C8orf34: variants seen among roughly 807,000 people sequenced by gnomAD.
The protein encoded by C8orf34 is uncharacterized protein C8orf34.
In C8orf34, 65 loss-of-function variants were observed where a neutral mutation model predicts 68.3. The ratio of observed to expected loss-of-function variants is 0.95; its 90% CI spans 0.78 to 1.17. C8orf34 has a LOEUF of 1.17. C8orf34 is among the 50% of genes most tolerant of loss of function. The probability of loss-of-function intolerance (pLI) is 0.00; values close to 1 mark genes in which losing one functional copy is unlikely to be tolerated. For synonymous variants in C8orf34, 244 were observed against 241.2 expected (o/e 1.01, Z -0.11); for missense variants, 664 against 655.4 (o/e 1.01, Z -0.14).
chr8:68,735,157 T>C (rs539817109), intron 10 of C8orf34, among the ~76,000 whole-genome samples: 67 of 152,314 alleles, frequency 4.4e-4, no homozygotes, highest in African/African-American at 1.4e-3. Flanking sequence ...GTGGCCCATC[T>C]TGGGGCACTA....
intron 8 of C8orf34, among the ~76,000 whole-genome samples, chr8:68,707,137 T>C (rs1471360759): frequency 6.6e-6 from 1 of 152,198 alleles, no homozygotes; most frequent in East Asian, 1.9e-4. Flanking sequence ...CTTGTTTGCA[T>C]AGCACCCATT....
intron 12 of C8orf34, among the ~76,000 whole-genome samples, chr8:68,810,801 C>G (rs1824627794): frequency 1.3e-5 from 2 of 152,194 alleles, no homozygotes; most frequent in Admixed American, 1.3e-4. Flanking sequence ...CTCCTCTCCA[C>G]AGACAGGTGG....
chr8:68,432,098 G>A (rs1490667230), intron 1 of C8orf34, among the ~76,000 whole-genome samples: 2 of 152,038 alleles, frequency 1.3e-5, no homozygotes, highest in African/African-American at 4.8e-5. Flanking sequence ...GGCTATGACT[G>A]TGTGCATTGG....
chr8:68,740,062 T>C (rs1259954705), intron 10 of C8orf34, among the ~76,000 whole-genome samples: 1 of 152,188 alleles, frequency 6.6e-6, no homozygotes, highest in Non-Finnish European at 1.5e-5. Flanking sequence ...TGCGGAAGAT[T>C]GAAACTGGAT....
intron 1 of C8orf34, among the ~76,000 whole-genome samples, chr8:68,360,020 C>G (rs1205963165): frequency 1.3e-5 from 2 of 152,132 alleles, no homozygotes; most frequent in Non-Finnish European, 2.9e-5. Context: ...ACCCAAAACT[C>G]AAAATGACAA....
In C8orf34 at chr8:68,484,391, A is replaced by T. The variant is rs543467650; in HGVS notation, c.737-3632A>T. Among the ~76,000 whole-genome samples the T allele has an allele frequency of 3.3e-5, 5 of 152,308 alleles. No individual in the cohort carries two copies. The East Asian group carries it at 5.8e-4, about 18-fold the overall frequency. On this transcript the variant is annotated intron_variant, in intron 4 of 13. Coordinates refer to ENST00000518698, the MANE Select transcript of C8orf34 (RefSeq NM_052958.4). The stretch of plus-strand genomic sequence containing the variant: ...CACAAATCCAAACTATATCACCCTG[A>T]TAGGATATTTCCTTTAAGCTCTAGT...
At chr8:68,493,498 A>G (rs559822826) in intron 5 of C8orf34, among the ~76,000 whole-genome samples, 2 of 152,210 alleles carry the variant, frequency 1.3e-5, no homozygotes, top group Non-Finnish European at 2.9e-5. Context: ...GTTTGTGAGG[A>G]TATGGAGAAA....
At chr8:68,737,657 G>A (rs1373765318) in intron 10 of C8orf34, among the ~76,000 whole-genome samples, 1 of 150,798 alleles carries the variant, frequency 6.6e-6, no homozygotes, top group African/African-American at 2.4e-5. Context: ...AATCAACAAA[G>A]ATTAAAAAAA....
At chr8:68,409,707 A>G (rs1809361668) in intron 1 of C8orf34, among the ~76,000 whole-genome samples, 1 of 152,188 alleles carries the variant, frequency 6.6e-6, no homozygotes, top group Non-Finnish European at 1.5e-5. Flanking sequence ...AGTCTACAGC[A>G]GTGCACAGTC....
intron 1 of C8orf34, among the ~76,000 whole-genome samples, chr8:68,424,125 C>T (rs1243005751): frequency 6.6e-6 from 1 of 152,108 alleles, no homozygotes; most frequent in Non-Finnish European, 1.5e-5. Flanking sequence ...TCCCCCCTGC[C>T]CATGTTCACC....
intron 7 of C8orf34, among the ~76,000 whole-genome samples, chr8:68,558,605 A>AAG (rs1204489183): frequency 1.3e-5 from 2 of 151,250 alleles, no homozygotes; most frequent in East Asian, 3.9e-4. Flanking sequence ...GCGAGTGGGA[A>AAG]AGAGAGAGAG....
intron 5 of C8orf34, among the ~76,000 whole-genome samples, chr8:68,498,396 T>A (rs1269279300): frequency 6.6e-6 from 1 of 152,156 alleles, no homozygotes; most frequent in African/African-American, 2.4e-5. Context: ...CAAAACAAAA[T>A]GAAACAAGTG....
intron 4 of C8orf34, among the ~76,000 whole-genome samples, chr8:68,477,257 A>G (rs1175441117): frequency 1.3e-5 from 2 of 152,234 alleles, no homozygotes; most frequent in Non-Finnish European, 1.5e-5. Flanking sequence ...AGGGACTTCT[A>G]TGCTACAGGA....
chr8:68,705,474 G>A (rs1002597982), intron 8 of C8orf34, among the ~76,000 whole-genome samples: 3 of 152,096 alleles, frequency 2.0e-5, no homozygotes, highest in Non-Finnish European at 2.9e-5. Context: ...AGAGGTTAAC[G>A]CAAGGTCAAA....
intron 12 of C8orf34, among the ~76,000 whole-genome samples, chr8:68,806,034 A>C (rs372458434): frequency 1.3e-5 from 2 of 152,150 alleles, no homozygotes; most frequent in East Asian, 3.9e-4. Flanking sequence ...AGATTGCAAC[A>C]ATGTATTGTT....
intron 10 of C8orf34, among the ~76,000 whole-genome samples, chr8:68,744,808 C>T (rs1373727430): frequency 6.6e-6 from 1 of 152,138 alleles, no homozygotes; most frequent in Non-Finnish European, 1.5e-5. Flanking sequence ...GGAAAACACT[C>T]TGCACGATAT....
At chr8:68,752,215 T>C (rs960571308) in intron 10 of C8orf34, among the ~76,000 whole-genome samples, 4 of 152,206 alleles carry the variant, frequency 2.6e-5, no homozygotes, top group Admixed American at 6.5e-5. Context: ...GTGATCAAAA[T>C]TTGATTCCTT....
Position 68,818,361 on chromosome 8 carries a change from A to T in C8orf34, c.*115A>T. ...TCATTTAGAGAATGGTTATTTTTAT[A>T]ATCTCAATAATAAACAAGTACTATC... On this transcript the variant is annotated 3_prime_UTR_variant, in exon 14 of 14. Coordinates refer to ENST00000518698, the MANE Select transcript of C8orf34 (RefSeq NM_052958.4). 8.5e-7 allele frequency: 1 copy of T among 1,179,736 alleles called. No homozygotes were observed. The highest frequency in any genetic ancestry group is 1.3e-5 in the South Asian group (1 of 75,478). The allele number at this position is 1,179,736 out of a possible 1,614,324, so 73.1% of individuals were successfully genotyped here. A position where few individuals can be genotyped will look rare whatever the true frequency, so the allele number is the denominator to read the frequency against.
At chr8:68,466,524 AAAAAT>A (rs1812143009) in intron 3 of C8orf34, among the ~76,000 whole-genome samples, 1 of 151,758 alleles carries the variant, frequency 6.6e-6, no homozygotes, top group African/African-American at 2.4e-5. Flanking sequence ...AAATAAAAAT[AAAAAT>A]AAAATGCACC....
Sources: allele counts gnomAD v4.1 joint callset (sites outside exome capture counted in the v4.1 genomes callset), GRCh38; gene constraint gnomAD v4.1.1; transcripts MANE v1.5; gene names NCBI Gene and HGNC (gene_info 2026-07-23, HGNC 2026-07-21).